The following APBA1 variants were observed in gnomAD, a reference collection of about 807,000 sequenced individuals.
APBA1 encodes amyloid-beta A4 precursor protein-binding family A member 1.
Under a neutral mutation model 86.6 loss-of-function variants are expected in APBA1, and 55 were observed. That is an observed-to-expected ratio of 0.64 (90% CI 0.51 to 0.80). The LOEUF (loss-of-function observed/expected upper bound fraction) is 0.80. Among genes scored for constraint, APBA1 ranks in the 30% least tolerant of loss-of-function variants. APBA1 has a pLI of 0.00. For missense variants in APBA1, 1,090 were observed against 1,183.0 expected (o/e 0.92, Z 1.15); for synonymous variants, 511 against 493.9 (o/e 1.03, Z -0.46).
intron 1 of APBA1, among the ~76,000 whole-genome samples, chr9:69,565,265 G>A (rs771939418): frequency 2.0e-5 from 3 of 151,982 alleles, no homozygotes; most frequent in Non-Finnish European, 2.9e-5. Context: ...GTGCCTGTCC[G>A]AGCCCAAAAG....
intron 1 of APBA1, among the ~76,000 whole-genome samples, chr9:69,517,956 A>G (rs781240095): frequency 2.0e-4 from 31 of 152,310 alleles, no homozygotes; most frequent in Non-Finnish European, 3.4e-4. Context: ...TTTCATTGTT[A>G]ATATCCAGAA....
intron 2 of APBA1, among the ~76,000 whole-genome samples, chr9:69,504,820 C>T (rs988025839): frequency 2.0e-5 from 3 of 151,982 alleles, no homozygotes; most frequent in African/African-American, 7.3e-5. Context: ...TCTGGTTCAC[C>T]CTTTCCTTAC....
intron 1 of APBA1, among the ~76,000 whole-genome samples, chr9:69,537,208 T>C (rs1472559046): frequency 1.3e-5 from 2 of 151,944 alleles, no homozygotes; most frequent in Non-Finnish European, 2.9e-5. Flanking sequence ...ATTCCTCTCT[T>C]TCTTTCCCAA....
At chr9:69,665,517 G>C (rs1217817238) in intron 1 of APBA1, among the ~76,000 whole-genome samples, 1 of 152,102 alleles carries the variant, frequency 6.6e-6, no homozygotes, top group Non-Finnish European at 1.5e-5. Context: ...TTAAATCTTT[G>C]GAAATTTCTC....
At chr9:69,447,828 C>T (rs1290631192) in intron 10 of APBA1, among the ~76,000 whole-genome samples, 1 of 152,152 alleles carries the variant, frequency 6.6e-6, no homozygotes, top group Non-Finnish European at 1.5e-5. Context: ...CAGCACTGAG[C>T]ACTGTGAGCC....
chr9:69,634,165 C>T (rs1823107679), intron 1 of APBA1, among the ~76,000 whole-genome samples: 1 of 152,196 alleles, frequency 6.6e-6, no homozygotes. Flanking sequence ...GAATTGCCAA[C>T]ACCACCCCTC....
intron 2 of APBA1, among the ~76,000 whole-genome samples, chr9:69,493,227 ACTTAAGGCACTCCAAGGGTTGGC>A (rs1188891421): frequency 6.6e-6 from 1 of 152,062 alleles, no homozygotes; most frequent in East Asian, 1.9e-4. Flanking sequence ...CTACCTTGGC[ACTTAAGGCACTCCAAGGGTTGGC>A]CTTAATTCTT....
chr9:69,443,833 G>A (rs954747872), intron 10 of APBA1, among the ~76,000 whole-genome samples: 3 of 152,030 alleles, frequency 2.0e-5, no homozygotes, highest in African/African-American at 7.2e-5. Flanking sequence ...AACCAGAGAG[G>A]GTGTGTCTTT....
intron 1 of APBA1, among the ~76,000 whole-genome samples, chr9:69,618,250 T>G (rs1378201286): frequency 6.6e-6 from 1 of 152,176 alleles, no homozygotes; most frequent in Non-Finnish European, 1.5e-5. Flanking sequence ...TCCCCAGGTC[T>G]TCTCAGACTC....
chr9:69,471,736 A>G, intron 3 of APBA1, 41 bp from the exon 4 acceptor site: 1 of 1,539,116 alleles, frequency 6.5e-7, no homozygotes, highest in Non-Finnish European at 9.0e-7. Flanking sequence ...AGCAAAGCAT[A>G]ATGAAATATG....
intron 2 of APBA1, among the ~76,000 whole-genome samples, chr9:69,493,956 T>C (rs77664049): frequency 0.045 from 6,801 of 152,156 alleles, 538 homozygotes; most frequent in African/African-American, 0.15. Flanking sequence ...GAATTGTTTT[T>C]AAAAACCCCA....
Position 69,641,315 on chromosome 9 carries a change from G to A in APBA1, c.-70+30838C>T, listed in dbSNP as rs572390166. On this transcript the variant is annotated intron_variant, in intron 1 of 12. Transcript: ENST00000265381. ...GGGTTGGAAAATTCAGTATTATTAA[G>A]GCATCAATTATGCCCCAAATGATCC... Among the ~76,000 whole-genome samples, 7 of 152,186 alleles carry A rather than the reference G, an allele frequency of 4.6e-5. No homozygotes were observed. The South Asian group carries it at 1.5e-3, about 32-fold the overall frequency.
rs144906159 is a variant in APBA1, at chr9:69,457,065, G to A, written c.1590C>T (p.Asn530=). The stretch of plus-strand genomic sequence containing the variant: ...AGCCAGCTGATACCTGTGTGTCGGC[G>A]TTCAGCACTTTGATTCTCTGGGTAG... ...FISTQRIKVL[N]ADTQETMMDH... Residue 530 remains asparagine, a synonymous_variant, in exon 7 of 13, where the codon AAC becomes AAT. Coordinates refer to ENST00000265381, the MANE Select transcript of APBA1 (RefSeq NM_001163.4). The A allele has an allele frequency of 2.6e-4, 424 of 1,614,034 alleles. No homozygotes were observed. Among genetic ancestry groups the A allele is most frequent in the African/African-American group, 6.0e-4 (45 of 75,032 alleles).
At chr9:69,582,306 T>C (rs59029612) in intron 1 of APBA1, among the ~76,000 whole-genome samples, 2 of 152,296 alleles carry the variant, frequency 1.3e-5, no homozygotes, top group East Asian at 3.9e-4. Flanking sequence ...GTTCCCCTTT[T>C]AGGCACTCCA....
At chr9:69,553,695 T>C (rs1315546561) in intron 1 of APBA1, among the ~76,000 whole-genome samples, 1 of 152,178 alleles carries the variant, frequency 6.6e-6, no homozygotes, top group Non-Finnish European at 1.5e-5. Context: ...CTGGGATAGA[T>C]GGACATAGCA....
chr9:69,451,596 C>T (rs145024126), intron 9 of APBA1, among the ~76,000 whole-genome samples: 6 of 152,236 alleles, frequency 3.9e-5, no homozygotes, highest in African/African-American at 1.4e-4. Context: ...ACCCCACCCT[C>T]GGCTTGCCCC....
chr9:69,621,380 T>C (rs1822815293), intron 1 of APBA1, among the ~76,000 whole-genome samples: 2 of 152,200 alleles, frequency 1.3e-5, no homozygotes, highest in Non-Finnish European at 1.5e-5. Context: ...GGCCTCTCTG[T>C]GGCCCTATGT....
chr9:69,623,479 C>T (rs1293499158), intron 1 of APBA1, among the ~76,000 whole-genome samples: 1 of 151,924 alleles, frequency 6.6e-6, no homozygotes, highest in African/African-American at 2.4e-5. Flanking sequence ...TGGGGACAAG[C>T]TTGAAGTCAC....
intron 1 of APBA1, among the ~76,000 whole-genome samples, chr9:69,561,541 T>G (rs4744913): frequency 0.54 from 82,429 of 151,858 alleles, 23,744 homozygotes; most frequent in East Asian, 0.83. Flanking sequence ...CCAATCAACA[T>G]CTGTTAGAGT....
Sources: gnomAD v4.1 joint callset for allele counts (sites outside exome capture counted in the v4.1 genomes callset) on GRCh38, gnomAD v4.1.1 for gene constraint, MANE v1.5 for transcripts, NCBI Gene and HGNC (gene_info 2026-07-23, HGNC 2026-07-21) for gene names.